EDN1: variants seen among roughly 807,000 people sequenced by gnomAD.
EDN1 encodes the protein endothelin 1.
Under a neutral mutation model 21.7 loss-of-function variants are expected in EDN1, and 11 were observed. That is an observed-to-expected ratio of 0.51 (90% CI 0.32 to 0.84). The LOEUF (loss-of-function observed/expected upper bound fraction) is 0.84. Among genes scored for constraint, EDN1 ranks in the 40% least tolerant of loss-of-function variants. EDN1 has a pLI of 0.03. For missense variants in EDN1, 244 were observed against 262.3 expected, an observed-to-expected ratio of 0.93 and a Z score of 0.48; for synonymous variants, 85 against 90.6, an observed-to-expected ratio of 0.94 and a Z score of 0.35.
the EDN1 span, among the ~76,000 whole-genome samples, chr6:12,232,404 AG>A: frequency 6.6e-6 from 1 of 151,952 alleles, no homozygotes; most frequent in Non-Finnish European, 1.5e-5. Context: ...CAAATAAATA[AG>A]GGTCATATGA....
At chr6:12,293,918 T>A (rs1762754295) in intron 2 of EDN1, 23 bp from the exon 3 acceptor site, 1 of 1,613,604 alleles carries the variant, frequency 6.2e-7, no homozygotes, top group Admixed American at 1.7e-5. Context: ...CTAATATAGT[T>A]TCTTTCTCTC....
the EDN1 span, among the ~76,000 whole-genome samples, chr6:12,266,200 G>A: frequency 6.6e-6 from 1 of 152,136 alleles, no homozygotes; most frequent in Non-Finnish European, 1.5e-5. Context: ...TTTGATACAT[G>A]CAAAATAAGT....
At chr6:12,289,908 A>AACAAGGACATAAAAG (rs1456785116), upstream of EDN1, among the ~76,000 whole-genome samples, 4 of 152,334 alleles carry the variant, frequency 2.6e-5, no homozygotes, top group Admixed American at 6.5e-5. Flanking sequence ...GACTGAGACT[A>AACAAGGACATAAAAG]GAATCGGAGA....
chr6:12,289,373 T>G (rs950672602), upstream of EDN1, among the ~76,000 whole-genome samples: 16 of 152,104 alleles, frequency 1.1e-4, no homozygotes, highest in African/African-American at 3.9e-4. Flanking sequence ...AATAGAATAT[T>G]CTGAGGTGCA....
At chr6:12,242,214 A>G in the EDN1 span, among the ~76,000 whole-genome samples, 1 of 152,174 alleles carries the variant, frequency 6.6e-6, no homozygotes, top group South Asian at 2.1e-4. Flanking sequence ...GTCGCCCAAC[A>G]GTCAGTGTGA....
At position 12,292,529 on chromosome 6, in the gene EDN1, T is replaced by C. The variant is rs764447895; in HGVS notation, c.233+20T>C. The C allele has an allele frequency of 1.8e-5, 29 of 1,614,162 alleles. No individual in the cohort carries two copies. The African/African-American group carries it at 3.6e-4, about 20-fold the overall frequency. On this transcript the variant is annotated intron_variant, in intron 2 of 4. Coordinates refer to ENST00000379375, the MANE Select transcript of EDN1 (RefSeq NM_001955.5). Reference sequence around the variant, plus strand: ...TCCCGAGTAAGTCTCTAGAGGGCATTGTAACCCTAGTCATTCATTAGCGCT... The same window carrying C: ...TCCCGAGTAAGTCTCTAGAGGGCATCGTAACCCTAGTCATTCATTAGCGCT...
the EDN1 span, among the ~76,000 whole-genome samples, chr6:12,231,225 C>A: frequency 1.3e-5 from 2 of 152,204 alleles, no homozygotes; most frequent in Non-Finnish European, 2.9e-5. Flanking sequence ...GGTGATTGAA[C>A]ACCACTGACC....
chr6:12,247,940 G>A, the EDN1 span, among the ~76,000 whole-genome samples: 2,713 of 152,190 alleles, frequency 0.018, 22 homozygotes, highest in South Asian at 0.046. Context: ...GACAGAGTCT[G>A]TGAGGAGATG....
At chr6:12,273,604 C>CTTTTTTTTTTTTTTT in the EDN1 span, among the ~76,000 whole-genome samples, 15 of 83,340 alleles carry the variant, frequency 1.8e-4, no homozygotes, top group African/African-American at 3.1e-4. Flanking sequence ...GTAGGCAGGA[C>CTTTTTTTTTTTTTTT]TTTTTTTTTT....
chr6:12,296,752 C>T lies in EDN1; in HGVS notation c.*685C>T, dbSNP rs918907336. 1 of 152,734 alleles carries T rather than the reference C, an allele frequency of 6.5e-6. No homozygotes were observed. The highest frequency in any genetic ancestry group is 2.4e-5 in the African/African-American group (1 of 41,416). 9.5% of individuals were successfully genotyped at this position (152,734 alleles called of 1,614,324 possible). Reference sequence around the variant, plus strand: ...CTCCATCCCCCATACTAAATCCTAGCCTCGTAGAAGTCTGGTCTAATGTGT... The same window carrying T: ...CTCCATCCCCCATACTAAATCCTAGTCTCGTAGAAGTCTGGTCTAATGTGT... On this transcript the variant is annotated 3_prime_UTR_variant, in exon 5 of 5. Transcript: ENST00000379375.
chr6:12,231,205 G>A, the EDN1 span, among the ~76,000 whole-genome samples: 2 of 152,168 alleles, frequency 1.3e-5, no homozygotes, highest in African/African-American at 2.4e-5. Flanking sequence ...CTTACTTTCT[G>A]CCAGGAGTGG....
the EDN1 span, among the ~76,000 whole-genome samples, chr6:12,255,152 A>C: frequency 6.6e-6 from 1 of 152,206 alleles, no homozygotes; most frequent in Non-Finnish European, 1.5e-5. Flanking sequence ...AATAAATAAC[A>C]AACACAAAAC....
At chr6:12,291,592 G>C (rs1762684014) in intron 1 of EDN1, among the ~76,000 whole-genome samples, 1 of 152,210 alleles carries the variant, frequency 6.6e-6, no homozygotes, top group South Asian at 2.1e-4. Context: ...TTGTTAGGAG[G>C]AAGAGGCAAG....
At chr6:12,279,100 C>A in the EDN1 span, among the ~76,000 whole-genome samples, 2 of 152,160 alleles carry the variant, frequency 1.3e-5, no homozygotes, top group Non-Finnish European at 2.9e-5. Flanking sequence ...AGTCATAAAA[C>A]CTGCTTGGAT....
the EDN1 span, among the ~76,000 whole-genome samples, chr6:12,242,876 G>A: frequency 6.6e-6 from 1 of 152,092 alleles, no homozygotes; most frequent in South Asian, 2.1e-4. Flanking sequence ...CTCCAGGCTG[G>A]GTTCAGGTCT....
chr6:12,238,462 G>A, the EDN1 span, among the ~76,000 whole-genome samples: 3 of 152,186 alleles, frequency 2.0e-5, no homozygotes, highest in Non-Finnish European at 4.4e-5. Context: ...GACAGGAAGA[G>A]CCACAGACTC....
the EDN1 span, among the ~76,000 whole-genome samples, chr6:12,254,787 A>G: frequency 6.6e-6 from 1 of 152,190 alleles, no homozygotes; most frequent in African/African-American, 2.4e-5. Context: ...TATGCACTCA[A>G]TTGAAAAATT....
the EDN1 span, among the ~76,000 whole-genome samples, chr6:12,265,163 G>A: frequency 6.6e-6 from 1 of 152,174 alleles, no homozygotes; most frequent in Non-Finnish European, 1.5e-5. Flanking sequence ...AGCAAGTGGA[G>A]GTCTTGTTGT....
chr6:12,268,847 G>C, the EDN1 span, among the ~76,000 whole-genome samples: 1 of 151,964 alleles, frequency 6.6e-6, no homozygotes, highest in African/African-American at 2.4e-5. Context: ...TTCTATTCCT[G>C]TGAAATATAA....
Sources: gnomAD v4.1 joint callset for allele counts (sites outside exome capture counted in the v4.1 genomes callset) on GRCh38, gnomAD v4.1.1 for gene constraint, MANE v1.5 for transcripts, NCBI Gene and HGNC (gene_info 2026-07-23, HGNC 2026-07-21) for gene names.